The following RBM46 variants were observed in gnomAD, a reference collection of about 807,000 sequenced individuals.
RBM46 encodes RNA binding motif protein 46, also known as probable RNA-binding protein 46.
RBM46 carries 12 observed loss-of-function variants against 43.3 expected under a neutral mutation model. That is an observed-to-expected ratio of 0.28 (90% CI 0.18 to 0.45). RBM46 has a LOEUF of 0.45. Among genes scored for constraint, RBM46 ranks in the 20% least tolerant of loss-of-function variants. The pLI, the probability that RBM46 is intolerant of heterozygous loss-of-function variation, is 1.00. For missense variants in RBM46, 412 were observed against 639.1 expected (o/e 0.64, Z 3.83); for synonymous variants, 205 against 207.6 (o/e 0.99, Z 0.11).
rs575133889 is a variant in RBM46, at chr4:154,789,473, C to A, written c.-11-7269C>A. Among the ~76,000 whole-genome samples the A allele has an allele frequency of 3.3e-5, 5 of 152,184 alleles. No homozygotes were observed. The South Asian group carries it at 1.0e-3, about 32-fold the overall frequency. On this transcript the variant is annotated intron_variant, in intron 1 of 4. Coordinates refer to ENST00000281722, the MANE Select transcript of RBM46 (RefSeq NM_144979.5). Reference sequence around the variant, plus strand: ...TTGGTTCTGTTTATATGATGGGTTACGTTTATTGATTTGTGTATGTTGAAC... The same window carrying A: ...TTGGTTCTGTTTATATGATGGGTTAAGTTTATTGATTTGTGTATGTTGAAC...
chr4:154,798,764 ATTAT>A lies in RBM46; in HGVS notation c.620-15_620-12del, dbSNP rs1734469784. 5 of 1,357,130 alleles carry A rather than the reference ATTAT, an allele frequency of 3.7e-6. No homozygotes were observed. In the East Asian group the frequency reaches 1.4e-4, roughly 38 times the overall value. The allele number at this position is 1,357,130 out of a possible 1,614,324, so 84.1% of individuals were successfully genotyped here. On this transcript the variant is annotated splice_polypyrimidine_tract_variant and intron_variant, in intron 3 of 4. Transcript: ENST00000281722. ...TCTTTATTTTAATTCTCTTCAAATT[ATTAT>A]TTTTTTTTTACAGGAACATTCCAAC...
intron 1 of RBM46, among the ~76,000 whole-genome samples, chr4:154,794,547 T>C (rs910574387): frequency 2.0e-5 from 3 of 152,142 alleles, no homozygotes; most frequent in Non-Finnish European, 4.4e-5. Context: ...AAAGAACCTG[T>C]TACTTGTATG....
intron 1 of RBM46, among the ~76,000 whole-genome samples, chr4:154,789,996 T>C (rs368984592): frequency 6.6e-6 from 1 of 152,232 alleles, no homozygotes; most frequent in Non-Finnish European, 1.5e-5. Context: ...TGGTAGTTTG[T>C]ATTTCTGTGA....
At chr4:154,826,795 T>C in intron 4 of RBM46, 1 of 1,509,422 alleles carries the variant, frequency 6.6e-7, no homozygotes, top group Non-Finnish European at 8.9e-7. Context: ...TTGAGCTTAC[T>C]CTCCTGCAGT....
At chr4:154,802,187 A>G (rs993690464) in intron 4 of RBM46, among the ~76,000 whole-genome samples, 1 of 152,214 alleles carries the variant, frequency 6.6e-6, no homozygotes, top group Non-Finnish European at 1.5e-5. Context: ...GTGCTTGACT[A>G]CCTATGTAAG....
At chr4:154,796,952 G>A (rs927431032) in intron 2 of RBM46, 49 bp downstream of exon 2, 1 of 1,512,986 alleles carries the variant, frequency 6.6e-7, no homozygotes, top group Admixed American at 1.8e-5. Context: ...ACCTCGTCAT[G>A]TAGATTAGAT....
At chr4:154,827,690 C>T in intron 4 of RBM46, 178 bp from the exon 5 acceptor site, 1 of 1,417,708 alleles carries the variant, frequency 7.1e-7, no homozygotes, top group Non-Finnish European at 9.2e-7. Context: ...ACAAAACTCT[C>T]AGGATTTGCA....
At chr4:154,795,171 TC>T (rs1578904956) in intron 1 of RBM46, among the ~76,000 whole-genome samples, 1 of 152,154 alleles carries the variant, frequency 6.6e-6, no homozygotes, top group East Asian at 1.9e-4. Context: ...TTATTTTGAA[TC>T]CCCTGAATCC....
intron 4 of RBM46, chr4:154,826,739 C>CTT (rs34828322): frequency 1.8e-3 from 1,674 of 932,974 alleles, no homozygotes; most frequent in South Asian, 5.2e-3. Flanking sequence ...TTCATTTTTC[C>CTT]TTTTTTTTTT....
chr4:154,791,283 G>A (rs1313869857), intron 1 of RBM46, among the ~76,000 whole-genome samples: 2 of 152,114 alleles, frequency 1.3e-5, no homozygotes, highest in East Asian at 1.9e-4. Flanking sequence ...TTTAGACATC[G>A]AACACATTTT....
intron 1 of RBM46, among the ~76,000 whole-genome samples, chr4:154,783,213 T>C (rs1420858488): frequency 6.6e-6 from 1 of 152,242 alleles, no homozygotes; most frequent in African/African-American, 2.4e-5. Context: ...CTTTGATTGC[T>C]GATTTTCACT....
In RBM46 at chr4:154,781,355, C is replaced by G. The variant is rs1429551105; in HGVS notation, c.-93C>G. 6.6e-6 allele frequency: 1 copy of G among 152,330 alleles called. No individual in the cohort carries two copies. The allele number at this position is 152,330 out of a possible 1,614,324, so 9.4% of individuals were successfully genotyped here. On this transcript the variant is annotated 5_prime_UTR_variant, in exon 1 of 5. Transcript: ENST00000281722. Reference sequence around the variant, plus strand: ...CTGCGACGACCCCCCCTCGCTCTGACCGACTGGTCCCCTAAACGGTGGCGG... The same window carrying G: ...CTGCGACGACCCCCCCTCGCTCTGAGCGACTGGTCCCCTAAACGGTGGCGG...
rs997028069 is a variant in RBM46 at position 154,799,554 on chromosome 4, A to T, written c.1392A>T (p.Leu464Phe). Residue 464 changes from leucine (L) to phenylalanine (F), a missense_variant, in exon 4 of 5, where the codon TTA becomes TTT. Transcript: ENST00000281722. ...AGGAACTGGCAGCCCAGTTTACATTACTTCATTTGGGTAAGTTTAAAAATA... is the reference window on the plus strand; with the variant it reads ...AGGAACTGGCAGCCCAGTTTACATTTCTTCATTTGGGTAAGTTTAAAAATA... The part of the protein sequence containing the change: ...DAKELAAQFT[L>F]LHLDYNFHRS... The T allele has an allele frequency of 8.4e-6, 13 of 1,543,224 alleles. No homozygotes were observed. Among genetic ancestry groups the T allele is most frequent in the Non-Finnish European group, 1.0e-5 (12 of 1,148,034 alleles).
Position 154,798,783 on chromosome 4 carries a change from A to G in RBM46, c.621A>G (p.Gly207=). ...AAMARRKLIP[G]TFQLWGHTIQ... ...CAAATTATTATTTTTTTTTTACAGG[A>G]ACATTCCAACTATGGGGCCACACCA... The change falls in exon 4 of 5, where the codon GGA becomes GGG. Residue 207 remains glycine (G), a splice_region_variant and synonymous_variant. Coordinates refer to ENST00000281722, the MANE Select transcript of RBM46 (RefSeq NM_144979.5). 1.4e-6 allele frequency: 2 copies of G among 1,464,212 alleles called. No individual in the cohort carries two copies. The highest frequency in any genetic ancestry group is 9.0e-7 in the Non-Finnish European group (1 of 1,110,040). 90.7% of individuals were successfully genotyped at this position (1,464,212 alleles called of 1,614,324 possible). A position where few individuals can be genotyped will look rare whatever the true frequency, so the allele number is the denominator to read the frequency against.
At chr4:154,827,823 G>T in intron 4 of RBM46, 45 bp from the exon 5 acceptor site, 1 of 1,605,632 alleles carries the variant, frequency 6.2e-7, no homozygotes. Flanking sequence ...TTAAATTTGT[G>T]TCCATAAAGA....
At chr4:154,790,860 G>T (rs926237696) in intron 1 of RBM46, among the ~76,000 whole-genome samples, 1 of 152,198 alleles carries the variant, frequency 6.6e-6, no homozygotes, top group Non-Finnish European at 1.5e-5. Flanking sequence ...CTAATAAGAT[G>T]AGATTAAGTT....
rs1470878438 is a variant in RBM46, at chr4:154,828,301, T to C, written c.*234T>C. ...TTCTCTTGATAAAGGTACAGCAAAC[T>C]ACTATTCTTTTTAAACTTCTAGGAT... On this transcript the variant is annotated 3_prime_UTR_variant, in exon 5 of 5. Transcript: ENST00000281722. 2.2e-6 allele frequency: 1 copy of C among 449,960 alleles called. No individual in the cohort carries two copies. The highest frequency in any genetic ancestry group is 3.9e-6 in the Non-Finnish European group (1 of 254,742). The allele number at this position is 449,960 out of a possible 1,614,324, so 27.9% of individuals were successfully genotyped here.
At chr4:154,783,469 A>T (rs970328424) in intron 1 of RBM46, among the ~76,000 whole-genome samples, 2 of 152,204 alleles carry the variant, frequency 1.3e-5, no homozygotes, top group South Asian at 4.1e-4. Flanking sequence ...AATTGTCCAG[A>T]TTTGCATATT....
At chr4:154,815,032 T>G (rs1735362262) in intron 4 of RBM46, among the ~76,000 whole-genome samples, 1 of 152,026 alleles carries the variant, frequency 6.6e-6, no homozygotes, top group Non-Finnish European at 1.5e-5. Context: ...TCCTTCCTGC[T>G]CAAAGGAGGC....
Sources: gnomAD v4.1 joint callset for allele counts (sites outside exome capture counted in the v4.1 genomes callset) on GRCh38, gnomAD v4.1.1 for gene constraint, MANE v1.5 for transcripts, NCBI Gene and HGNC (gene_info 2026-07-23, HGNC 2026-07-21) for gene names.